BCAS3: variants seen among roughly 807,000 people sequenced by gnomAD.
The protein encoded by BCAS3 is BCAS4/BCAS3 fusion.
A neutral mutation model predicts 116.1 loss-of-function variants in BCAS3; 53 were observed. The observed-to-expected ratio is 0.46, with a 90% CI of 0.37 to 0.57. The LOEUF (loss-of-function observed/expected upper bound fraction) is 0.57. Ranked by LOEUF, BCAS3 falls within the 20% of genes least tolerant of loss-of-function variation. The probability of loss-of-function intolerance (pLI) is 0.00; values close to 1 mark genes in which losing one functional copy is unlikely to be tolerated. For synonymous variants in BCAS3, 391 were observed against 408.2 expected, an observed-to-expected ratio of 0.96 and a Z score of 0.51; for missense variants, 917 against 1,165.4, an observed-to-expected ratio of 0.79 and a Z score of 3.10.
intron 22 of BCAS3, among the ~76,000 whole-genome samples, chr17:61,175,059 G>T (rs1239830370): frequency 6.6e-6 from 1 of 152,196 alleles, no homozygotes; most frequent in African/African-American, 2.4e-5. Flanking sequence ...CAGCTTGAAG[G>T]CTGACAAAGA....
chr17:60,706,665 A>G (rs2143983451), intron 4 of BCAS3, among the ~76,000 whole-genome samples: 1 of 152,120 alleles, frequency 6.6e-6, no homozygotes, highest in East Asian at 1.9e-4. Flanking sequence ...TCTCTACTAA[A>G]TATACAAAAA....
chr17:60,771,299 G>A (rs1191377716), intron 6 of BCAS3, among the ~76,000 whole-genome samples: 3 of 150,842 alleles, frequency 2.0e-5, no homozygotes, highest in African/African-American at 7.3e-5. Flanking sequence ...TATTATATTT[G>A]GGTTGTCTAG....
chr17:60,840,770 T>C (rs1311483442), intron 7 of BCAS3, among the ~76,000 whole-genome samples: 3 of 152,218 alleles, frequency 2.0e-5, no homozygotes, highest in Non-Finnish European at 2.9e-5. Context: ...CTTAACCAAG[T>C]GATGTGGTTA....
intron 22 of BCAS3, among the ~76,000 whole-genome samples, chr17:61,206,516 G>C (rs1262269234): frequency 2.6e-5 from 4 of 152,006 alleles, no homozygotes; most frequent in South Asian, 4.2e-4. Context: ...ATTGTGAGGG[G>C]GGACCAAGCA....
chr17:61,132,456 A>G lies in BCAS3; in HGVS notation c.2425+47892A>G, dbSNP rs913928451. On this transcript the variant is annotated intron_variant, in intron 22 of 23. Coordinates refer to ENST00000407086, the MANE Select transcript of BCAS3 (RefSeq NM_017679.5). The surrounding 1 kb of genome is among the most constrained non-coding windows in gnomAD (Gnocchi z 5.1). ...TCTGTGGCCATGTGAGCTATAATCT[A>G]CTGCCCTGGTCAAACTTAACCAAAA... Among the ~76,000 whole-genome samples, 1 of 152,212 alleles carries G rather than the reference A, an allele frequency of 6.6e-6. No individual in the cohort carries two copies. The highest frequency in any genetic ancestry group is 1.5e-5 in the Non-Finnish European group (1 of 68,040).
intron 23 of BCAS3, among the ~76,000 whole-genome samples, chr17:61,375,610 C>A (rs978402547): frequency 2.0e-5 from 3 of 149,766 alleles, no homozygotes; most frequent in Non-Finnish European, 4.4e-5. Flanking sequence ...CACTCTGTCA[C>A]CCAGACTAGA....
rs1366092782 is a variant in BCAS3 at position 61,198,929 on chromosome 17, T to A, written c.2425+114365T>A. Among the ~76,000 whole-genome samples the A allele has an allele frequency of 6.6e-6, 1 of 152,204 alleles. No homozygotes were observed. The highest frequency in any genetic ancestry group is 2.4e-5 in the African/African-American group (1 of 41,450). On this transcript the variant is annotated intron_variant, in intron 22 of 23. Transcript: ENST00000407086. The surrounding 1 kb of genome is among the most constrained non-coding windows in gnomAD (Gnocchi z 5.0). ...ATAATGATACTTAGAAATCACTGAT[T>A]GTTCCTTGATGATGAATGCCTTTAA... is the stretch of plus-strand genomic sequence containing the variant.
At chr17:60,914,575 G>A (rs1420390621) in intron 12 of BCAS3, among the ~76,000 whole-genome samples, 1 of 152,204 alleles carries the variant, frequency 6.6e-6, no homozygotes, top group East Asian at 1.9e-4. Flanking sequence ...AATAAAATAT[G>A]GTTGACCATT....
In BCAS3 at chr17:61,355,726, C is replaced by A. The variant is rs1437763187; in HGVS notation, c.2426-12601C>A. 6.6e-6 allele frequency among the ~76,000 whole-genome samples: 1 copy of A among 152,220 alleles called. No individual in the cohort carries two copies. The highest frequency in any genetic ancestry group is 1.5e-5 in the Non-Finnish European group (1 of 68,036). ...TGCCTGATGCAAAGTGGACACCCGACAAATGTTAGTTATCTTACCTTTCCT... is the reference window on the plus strand; with the variant it reads ...TGCCTGATGCAAAGTGGACACCCGAAAAATGTTAGTTATCTTACCTTTCCT... On this transcript the variant is annotated intron_variant, in intron 22 of 23. Coordinates refer to ENST00000407086, the MANE Select transcript of BCAS3 (RefSeq NM_017679.5). This position sits in a 1 kb window ranked among gnomAD's most constrained non-coding sequence, Gnocchi z 4.2.
chr17:60,799,524 G>GTTTTTTTTTTTTTTTTTTTTTT (rs869112996), intron 6 of BCAS3, among the ~76,000 whole-genome samples: 1 of 102,382 alleles, frequency 9.8e-6, no homozygotes, highest in African/African-American at 3.7e-5. Context: ...ATTAGTGTTT[G>GTTTTTTTTTTTTTTTTTTTTTT]TTTTTTTTTT....
chr17:61,389,959 G>A (rs1161507527), intron 23 of BCAS3: 3 of 152,298 alleles, frequency 2.0e-5, no homozygotes, highest in Non-Finnish European at 4.4e-5. Flanking sequence ...AGCTGCCCCT[G>A]AGCTGTAAAA....
Position 61,239,584 on chromosome 17 carries a change from CTGAG to C in BCAS3, c.2426-128739_2426-128736del. Among the ~76,000 whole-genome samples, 1 of 152,296 alleles carries C rather than the reference CTGAG, an allele frequency of 6.6e-6. No individual in the cohort carries two copies. Among genetic ancestry groups the C allele is most frequent in the East Asian group, 1.9e-4 (1 of 5,190 alleles). ...ATATAAAAAGAGAACTTCATTTACT[CTGAG>C]TGATCATGTTTCAATGTGTTAATGT... On this transcript the variant is annotated intron_variant, in intron 22 of 23. Coordinates refer to ENST00000407086, the MANE Select transcript of BCAS3 (RefSeq NM_017679.5). The surrounding 1 kb of genome is among the most constrained non-coding windows in gnomAD (Gnocchi z 4.2).
At position 61,198,093 on chromosome 17, in the gene BCAS3, A is replaced by G. The variant is rs187736996; in HGVS notation, c.2425+113529A>G. On this transcript the variant is annotated intron_variant, in intron 22 of 23. Transcript: ENST00000407086. The surrounding 1 kb of genome is among the most constrained non-coding windows in gnomAD (Gnocchi z 5.0). ...TCTGGCACATATGAGTACTTAGTGG[A>G]TGTTTGCTGATATGCGATTAAGATA... is the stretch of plus-strand genomic sequence containing the variant. Among the ~76,000 whole-genome samples, 6 of 151,306 alleles carry G rather than the reference A, an allele frequency of 4.0e-5. No homozygotes were observed. In the East Asian group the frequency reaches 1.2e-3, roughly 29 times the overall value.
intron 7 of BCAS3, among the ~76,000 whole-genome samples, chr17:60,848,239 T>A (rs1190363708): frequency 6.6e-6 from 1 of 152,218 alleles, no homozygotes; most frequent in Non-Finnish European, 1.5e-5. Context: ...TCCTCCAAAT[T>A]TGTTCTTTTC....
At position 61,387,637 on chromosome 17, in the gene BCAS3, T is replaced by C. The variant is rs541301000; in HGVS notation, c.2594-4340T>C. On this transcript the variant is annotated intron_variant, in intron 23 of 23. Transcript: ENST00000407086. The surrounding 1 kb of genome is among the most constrained non-coding windows in gnomAD (Gnocchi z 6.2). ...CTGGCCCAAGGCATAGAGGGGCAGC[T>C]GCGGGTAACAGGCCCATTTCCAATA... Among the ~76,000 whole-genome samples the C allele has an allele frequency of 2.2e-3, 333 of 152,304 alleles. 1 individual carries two copies. The highest frequency in any genetic ancestry group is 7.5e-3 in the African/African-American group (312 of 41,560).
intron 19 of BCAS3, among the ~76,000 whole-genome samples, chr17:61,059,761 C>T (rs2069790308): frequency 6.6e-6 from 1 of 152,146 alleles, no homozygotes; most frequent in African/African-American, 2.4e-5. Context: ...CACGGTGGCT[C>T]ACACCTGTAA....
Position 61,380,036 on chromosome 17 carries a change from G to T in BCAS3, c.2593+11542G>T. The T allele has an allele frequency of 6.2e-6, 1 of 161,758 alleles. No homozygotes were observed. The highest frequency in any genetic ancestry group is 1.4e-5 in the Non-Finnish European group (1 of 73,818). 10.0% of individuals were successfully genotyped at this position (161,758 alleles called of 1,614,324 possible). On this transcript the variant is annotated intron_variant, in intron 23 of 23. Transcript: ENST00000407086. This position sits in a 1 kb window ranked among gnomAD's most constrained non-coding sequence, Gnocchi z 4.2. ...TCGGTTTCATGCGTTATCCATCCCC[G>T]ACCACTGAGAGCTGAGTAGGATCCT...
chr17:61,164,210 G>C (rs1336178331), intron 22 of BCAS3, among the ~76,000 whole-genome samples: 1 of 151,584 alleles, frequency 6.6e-6, no homozygotes, highest in South Asian at 2.1e-4. Flanking sequence ...TCAATGGCAA[G>C]ATGTTGAATT....
At position 61,328,890 on chromosome 17, in the gene BCAS3, C is replaced by CTTT. The variant is rs922578027; in HGVS notation, c.2426-39417_2426-39415dup. Reference sequence around the variant, plus strand: ...ATGGCAGAGCATGAAGACGCAGGCTCTTTTTTTTTTTTTTTTTTTTTTGAG... The same window carrying CTTT: ...ATGGCAGAGCATGAAGACGCAGGCTCTTTTTTTTTTTTTTTTTTTTTTTTTGAG... On this transcript the variant is annotated intron_variant, in intron 22 of 23. Transcript: ENST00000407086. 1.7e-3 allele frequency among the ~76,000 whole-genome samples: 203 copies of CTTT among 122,580 alleles called. 2 individuals carry two copies. The highest frequency in any genetic ancestry group is 4.8e-3 in the African/African-American group (153 of 31,560). 80.4% of individuals were successfully genotyped at this position (122,580 alleles called of 152,430 possible).
Sources: allele counts gnomAD v4.1 joint callset (sites outside exome capture counted in the v4.1 genomes callset), GRCh38; gene constraint gnomAD v4.1.1; non-coding constraint Gnocchi (gnomAD v3.1); transcripts MANE v1.5; gene names NCBI Gene and HGNC (gene_info 2026-07-23, HGNC 2026-07-21).